Variants in OIP5 observed in about 807,000 individuals in gnomAD.
OIP5 encodes the protein Opa interacting protein 5, also known as protein Mis18-beta.
Under a neutral mutation model 20.3 loss-of-function variants are expected in OIP5, and 24 were observed. The ratio of observed to expected loss-of-function variants is 1.18; its 90% CI spans 0.86 to 1.66. OIP5 has a LOEUF of 1.66. Among genes scored for constraint, OIP5 ranks in the 40% most tolerant of loss-of-function variants. OIP5 has a pLI of 0.00. For missense variants in OIP5, 339 were observed against 289.5 expected (o/e 1.17, Z -1.24); for synonymous variants, 143 against 121.3 (o/e 1.18, Z -1.17).
chr15:41,328,312 A>G (rs1216246965), intron 2 of OIP5, among the ~76,000 whole-genome samples: 1 of 152,232 alleles, frequency 6.6e-6, no homozygotes, highest in Non-Finnish European at 1.5e-5. Flanking sequence ...AGCCAGCATG[A>G]TAAGCCAACT....
At chr15:41,319,245 T>C (rs1191335029) in intron 3 of OIP5, among the ~76,000 whole-genome samples, 1 of 151,768 alleles carries the variant, frequency 6.6e-6, no homozygotes, top group African/African-American at 2.4e-5. Context: ...GCTACTTTTT[T>C]TTTTTTTTCC....
At chr15:41,315,425 T>A (rs1459889722) in intron 3 of OIP5, among the ~76,000 whole-genome samples, 1 of 148,138 alleles carries the variant, frequency 6.8e-6, no homozygotes, top group Admixed American at 6.7e-5. Flanking sequence ...CAAGACTCTG[T>A]CTCAAAAAAA....
At chr15:41,328,492 G>A (rs1461271068) in intron 2 of OIP5, among the ~76,000 whole-genome samples, 1 of 152,094 alleles carries the variant, frequency 6.6e-6, no homozygotes, top group African/African-American at 2.4e-5. Context: ...ATATGCTGTT[G>A]AGCACAACAA....
Position 41,331,960 on chromosome 15 carries a change from A to C in OIP5, c.344T>G (p.Leu115Trp). The C allele has an allele frequency of 6.2e-7, 1 of 1,614,110 alleles. No individual in the cohort carries two copies. The highest frequency in any genetic ancestry group is 8.5e-7 in the Non-Finnish European group (1 of 1,180,010). ...AATGCCAACTAGGAAGGGCGCTTCC[A>C]AAACGACGTTATTTGTAACTCCTAG... ...VFSRVTNNVV[L>W]EAPFLVGIEG... is the part of the protein sequence containing the mutation. Residue 115 changes from leucine (L) to tryptophan (W), a missense_variant, in exon 2 of 5, where the codon TTG (leucine) becomes TGG (tryptophan). Leu to Trp is a moderately conservative substitution (Grantham distance 61). Coordinates refer to ENST00000220514, the MANE Select transcript of OIP5 (RefSeq NM_007280.2).
intron 2 of OIP5, among the ~76,000 whole-genome samples, chr15:41,322,477 C>T (rs1466220816): frequency 1.3e-5 from 2 of 152,040 alleles, no homozygotes; most frequent in Admixed American, 6.6e-5. Flanking sequence ...TAGCTCACTG[C>T]AGCCTTGAAT....
intron 2 of OIP5, among the ~76,000 whole-genome samples, chr15:41,325,602 G>A (rs958690801): frequency 6.6e-6 from 1 of 151,426 alleles, no homozygotes; most frequent in African/African-American, 2.4e-5. Context: ...CGTAATCCCA[G>A]CACTATGGGA....
intron 4 of OIP5, 74 bp downstream of exon 4, chr15:41,313,199 C>T: frequency 1.1e-6 from 1 of 887,752 alleles, no homozygotes; most frequent in Non-Finnish European, 1.8e-6. Flanking sequence ...TTTCATCATC[C>T]CCAAGTTCAT....
At chr15:41,319,422 A>T (rs1249025675) in intron 3 of OIP5, among the ~76,000 whole-genome samples, 1 of 151,694 alleles carries the variant, frequency 6.6e-6, no homozygotes, top group Admixed American at 6.6e-5. Context: ...CACCTGGCTA[A>T]TTTTTGTATT....
intron 2 of OIP5, among the ~76,000 whole-genome samples, chr15:41,323,825 ATCT>A (rs1194667731): frequency 6.6e-6 from 1 of 152,060 alleles, no homozygotes; most frequent in African/African-American, 2.4e-5. Context: ...CTGAGATGGT[ATCT>A]TCTTCCAACA....
At chr15:41,319,617 A>C (rs1485267767) in intron 3 of OIP5, 41 bp downstream of exon 3, 1 of 1,561,896 alleles carries the variant, frequency 6.4e-7, no homozygotes, top group Admixed American at 2.1e-5. Flanking sequence ...AAAATAAATA[A>C]AATAAAATGT....
At chr15:41,321,685 C>T (rs1484700747) in intron 2 of OIP5, among the ~76,000 whole-genome samples, 1 of 151,722 alleles carries the variant, frequency 6.6e-6, no homozygotes, top group Admixed American at 6.6e-5. Context: ...GGATTAAGGG[C>T]GGTGCAAGAT....
Position 41,319,761 on chromosome 15 carries a change from A to G in OIP5, c.409T>C (p.Cys137Arg), listed in dbSNP as rs2047811445. 1 of 1,613,240 alleles carries G rather than the reference A, an allele frequency of 6.2e-7. No individual in the cohort carries two copies. ...LKGSTYNLLFCGSCGIPVGFH... is the reference protein window; with the variant it reads ...LKGSTYNLLFRGSCGIPVGFH... ...CCAACGGGAATCCCACAAGAACCAC[A>G]GAATAAAAGGTTGTAAGTACTAGGG... The change falls in exon 3 of 5, where the codon TGT becomes CGT. Residue 137 changes from cysteine (C) to arginine (R), a missense_variant. Physicochemically the swap from Cys to Arg is radical, Grantham distance 180 (BLOSUM62 -3). Coordinates refer to ENST00000220514, the MANE Select transcript of OIP5 (RefSeq NM_007280.2).
intron 4 of OIP5, among the ~76,000 whole-genome samples, chr15:41,312,576 C>T (rs2047763192): frequency 6.6e-6 from 1 of 151,690 alleles, no homozygotes; most frequent in African/African-American, 2.4e-5. Context: ...TCTCCTGCCT[C>T]AGTCTCCTAA....
chr15:41,321,452 G>C (rs1334879477), intron 2 of OIP5, among the ~76,000 whole-genome samples: 1 of 152,390 alleles, frequency 6.6e-6, no homozygotes, highest in East Asian at 1.9e-4. Context: ...AATGGGCCAT[G>C]ATGACAATGG....
At chr15:41,325,329 C>A (rs1029745976) in intron 2 of OIP5, among the ~76,000 whole-genome samples, 1 of 151,876 alleles carries the variant, frequency 6.6e-6, no homozygotes, top group Non-Finnish European at 1.5e-5. Flanking sequence ...TGGTGTGAAC[C>A]CAGGAGGCTG....
chr15:41,312,483 G>A (rs1286092859), intron 4 of OIP5, among the ~76,000 whole-genome samples: 2 of 150,772 alleles, frequency 1.3e-5, no homozygotes, highest in Non-Finnish European at 3.0e-5. Flanking sequence ...TTTTTGAGAC[G>A]CAGTCTCGCT....
chr15:41,311,777 T>G (rs1268233274), intron 4 of OIP5, among the ~76,000 whole-genome samples: 1 of 152,134 alleles, frequency 6.6e-6, no homozygotes, highest in Non-Finnish European at 1.5e-5. Context: ...TTTCACCATC[T>G]TGGCCAGGCT....
intron 4 of OIP5, among the ~76,000 whole-genome samples, chr15:41,312,424 G>A (rs1044671295): frequency 2.6e-5 from 4 of 151,892 alleles, no homozygotes; most frequent in African/African-American, 9.7e-5. Flanking sequence ...GCCTCCCAAA[G>A]TGCTGGGATT....
intron 3 of OIP5, among the ~76,000 whole-genome samples, chr15:41,319,400 C>T (rs1028727172): frequency 2.6e-5 from 4 of 152,036 alleles, no homozygotes; most frequent in Admixed American, 6.6e-5. Flanking sequence ...GGATTACAGG[C>T]GTCTACCACT....
Sources: gnomAD v4.1 joint callset for allele counts (sites outside exome capture counted in the v4.1 genomes callset) on GRCh38, gnomAD v4.1.1 for gene constraint, MANE v1.5 for transcripts, NCBI Gene and HGNC (gene_info 2026-07-23, HGNC 2026-07-21) for gene names.